Variants in ANKRD53 observed in about 807,000 individuals in gnomAD.
The protein encoded by ANKRD53 is ankyrin repeat domain 53.
Under a neutral mutation model 30.1 loss-of-function variants are expected in ANKRD53, and 27 were observed. The observed-to-expected ratio is 0.90, with a 90% CI of 0.66 to 1.24. The LOEUF (loss-of-function observed/expected upper bound fraction) is 1.24. ANKRD53 is among the 50% of genes most tolerant of loss of function. The pLI is 0.00. For missense variants in ANKRD53, 682 were observed against 721.0 expected (o/e 0.95, Z 0.62); for synonymous variants, 286 against 295.4 (o/e 0.97, Z 0.33).
chr2:70,983,749 G>C (rs1670081532), intron 5 of ANKRD53, among the ~76,000 whole-genome samples: 1 of 152,146 alleles, frequency 6.6e-6, no homozygotes, highest in South Asian at 2.1e-4. Context: ...ATTCGATCAA[G>C]TGTCCATTCT....
chr2:70,985,170 T>C lies in ANKRD53; in HGVS notation c.1463T>C (p.Leu488Pro). ...AGGGAAGTGCCCAGGAAGCGGCACC[T>C]GGGTGACAACACCTTCTGGACCGAC... The part of the protein sequence containing the change: ...SMREVPRKRH[L>P]GDNTFWTDTL... Residue 488 changes from leucine to proline, a missense_variant, in exon 6 of 6, where the codon CTG becomes CCG. Leu to Pro is a moderately conservative substitution (Grantham distance 98). Coordinates refer to ENST00000360589, the MANE Select transcript of ANKRD53 (RefSeq NM_001115116.2). 1.5e-5 allele frequency: 24 copies of C among 1,551,260 alleles called. No homozygotes were observed. Among genetic ancestry groups the C allele is most frequent in the Non-Finnish European group, 1.8e-5 (21 of 1,146,882 alleles).
chr2:70,980,356 C>G (rs535223528), intron 3 of ANKRD53, among the ~76,000 whole-genome samples: 1 of 151,034 alleles, frequency 6.6e-6, no homozygotes, highest in South Asian at 2.1e-4. Flanking sequence ...CTTTAACAGA[C>G]CTAGTCTACA....
intron 3 of ANKRD53, among the ~76,000 whole-genome samples, chr2:70,980,817 G>A (rs1054264656): frequency 2.5e-4 from 38 of 151,432 alleles, no homozygotes; most frequent in Non-Finnish European, 4.7e-4. Context: ...GTAGTGGCGG[G>A]TGCCTGTTGT....
At position 70,981,991 on chromosome 2, in the gene ANKRD53, G is replaced by T; in HGVS notation, c.673G>T (p.Asp225Tyr). 6.2e-7 allele frequency: 1 copy of T among 1,613,028 alleles called. No individual in the cohort carries two copies. Among genetic ancestry groups the T allele is most frequent in the Non-Finnish European group, 8.5e-7 (1 of 1,179,488 alleles). The change falls in exon 4 of 6, where the codon GAC becomes TAC. Residue 225 changes from aspartate (D) to tyrosine (Y), a missense_variant. By Grantham distance (160) the Asp-to-Tyr change is radical (BLOSUM62 -3). Transcript: ENST00000360589. ...LHLAARDGLLDCVKVLVQSGA... is the reference protein window; with the variant it reads ...LHLAARDGLLYCVKVLVQSGA... ...CCTGGCAGCCCGTGACGGCTTGCTG[G>T]ACTGTGTGAAGGTCCTGGTGCAGAG... is the stretch of plus-strand genomic sequence containing the variant.
chr2:70,980,406 G>A (rs1215931846), intron 3 of ANKRD53, among the ~76,000 whole-genome samples: 2 of 151,978 alleles, frequency 1.3e-5, no homozygotes, highest in African/African-American at 4.8e-5. Context: ...CAGGACCTTA[G>A]GCAAGTCACT....
rs1466822996 is a variant in ANKRD53, at chr2:70,979,330, C to T, written c.404C>T (p.Pro135Leu). The T allele has an allele frequency of 1.2e-6, 2 of 1,613,580 alleles. No homozygotes were observed. Among genetic ancestry groups the T allele is most frequent in the Non-Finnish European group, 8.5e-7 (1 of 1,180,042 alleles). ...FCLNQSLREI[P>L]TDDKGFTAIH... ...CTGAACCAGAGCCTCAGGGAAATCCCCACCGACGACAAGGTAAGGTCTTGA... is the reference window on the plus strand; with the variant it reads ...CTGAACCAGAGCCTCAGGGAAATCCTCACCGACGACAAGGTAAGGTCTTGA... Residue 135 changes from proline to leucine, a missense_variant, in exon 2 of 6, where the codon CCC (proline) becomes CTC (leucine). Physicochemically the swap from Pro to Leu is moderately conservative, Grantham distance 98. Coordinates refer to ENST00000360589, the MANE Select transcript of ANKRD53 (RefSeq NM_001115116.2).
rs1553424691 is a variant in ANKRD53, at chr2:70,985,297, A to G, written c.1590A>G (p.Pro530=). The G allele has an allele frequency of 7.7e-7, 1 of 1,292,394 alleles. No individual in the cohort carries two copies. Among genetic ancestry groups the G allele is most frequent in the Non-Finnish European group, 1.1e-6 (1 of 950,724 alleles). 80.1% of individuals were successfully genotyped at this position (1,292,394 alleles called of 1,614,324 possible). The change falls in exon 6 of 6, where the codon CCA becomes CCG. Residue 530 remains proline, a synonymous_variant. Coordinates refer to ENST00000360589, the MANE Select transcript of ANKRD53 (RefSeq NM_001115116.2). ...CCCTGCCCTCCCCACAAACCAACCC[A>G]TAAAGTTATTATGGCTACCTCTCCC... ...LPTLPSPQTN[P]
rs781967323 is a variant in ANKRD53 at position 70,979,337 on chromosome 2, C to T, written c.411C>T (p.Asp137=). The change falls in exon 2 of 6, where the codon GAC becomes GAT. Residue 137 remains aspartate, a synonymous_variant. Transcript: ENST00000360589. ...LNQSLREIPT[D]DKGFTAIHFA... is the part of the protein sequence containing the mutation. ...AGAGCCTCAGGGAAATCCCCACCGA[C>T]GACAAGGTAAGGTCTTGAGTGTTGG... 3 of 1,613,410 alleles carry T rather than the reference C, an allele frequency of 1.9e-6. No individual in the cohort carries two copies. The East Asian group carries it at 6.7e-5, about 36-fold the overall frequency.
Position 70,982,671 on chromosome 2 carries a change from G to T in ANKRD53, c.877G>T (p.Glu293Ter). Residue 293 changes from glutamate to a stop codon, truncating the protein, a stop_gained, in exon 5 of 6, where the codon GAG becomes TAG. Coordinates refer to ENST00000360589, the MANE Select transcript of ANKRD53 (RefSeq NM_001115116.2). LOFTEE classifies it low-confidence loss of function (END_TRUNC). The surrounding 1 kb of genome is among the most constrained non-coding windows in gnomAD (Gnocchi z 4.2). Reference protein sequence around the residue: ...KMFKSQLTLMEHNYLIEYQKE... With the variant: ...KMFKSQLTLM ...GTTCAAGAGCCAGCTGACCCTCATG[G>T]AGCACAACTACCTGATTGAGTATCA... is the stretch of plus-strand genomic sequence containing the variant. 4 of 1,614,116 alleles carry T rather than the reference G, an allele frequency of 2.5e-6. No homozygotes were observed. The South Asian group carries it at 4.4e-5, about 18-fold the overall frequency.
At position 70,984,728 on chromosome 2, in the gene ANKRD53, A is replaced by G; in HGVS notation, c.1021A>G (p.Thr341Ala). 6.2e-7 allele frequency: 1 copy of G among 1,607,646 alleles called. No individual in the cohort carries two copies. The highest frequency in any genetic ancestry group is 8.5e-7 in the Non-Finnish European group (1 of 1,176,688). ...KQARATALSKTPEQRESQRSR... is the reference protein window; with the variant it reads ...KQARATALSKAPEQRESQRSR... ...AGCCCGGGCCACCGCCCTCTCCAAG[A>G]CCCCAGAGCAACGGGAATCGCAGCG... Residue 341 changes from threonine (T) to alanine (A), a missense_variant, in exon 6 of 6, where the codon ACC becomes GCC. Thr to Ala is a moderately conservative substitution (Grantham distance 58, BLOSUM62 0). Transcript: ENST00000360589.
intron 3 of ANKRD53, among the ~76,000 whole-genome samples, chr2:70,980,441 G>A (rs1341640154): frequency 2.0e-5 from 3 of 152,044 alleles, no homozygotes; most frequent in African/African-American, 7.2e-5. Flanking sequence ...CAGTACTCTG[G>A]CTCCCAAACT....
At position 70,979,287 on chromosome 2, in the gene ANKRD53, G is replaced by A; in HGVS notation, c.361G>A (p.Glu121Lys). ...GTTCGCAGCGGCTGTGGGCAACGTG[G>A]AATGGCTGCGATTCTGTCTGAACCA... is the stretch of plus-strand genomic sequence containing the variant. ...QLFAAAVGNV[E>K]WLRFCLNQSL... is the part of the protein sequence containing the mutation. The change falls in exon 2 of 6, where the codon GAA (glutamate) becomes AAA (lysine). Residue 121 changes from glutamate to lysine, a missense_variant. Coordinates refer to ENST00000360589, the MANE Select transcript of ANKRD53 (RefSeq NM_001115116.2). The A allele has an allele frequency of 1.2e-6, 2 of 1,613,700 alleles. No individual in the cohort carries two copies. The highest frequency in any genetic ancestry group is 1.1e-5 in the South Asian group (1 of 91,090).
intron 2 of ANKRD53, 103 bp downstream of exon 2, chr2:70,979,446 TA>T: frequency 6.5e-7 from 1 of 1,541,350 alleles, no homozygotes; most frequent in Non-Finnish European, 8.8e-7. Context: ...TAGATCTTCC[TA>T]ATTTAACTCA....
In ANKRD53 at chr2:70,979,841, A is replaced by T. The variant is rs139132664; in HGVS notation, c.598A>T (p.Lys200Ter). ...CCCCTGCATCTACTACCTGCTGGAG[A>T]AAGGCGCAGACCTCAATGCGTGAGT... ...ALPCIYYLLE[K>*]GADLNAQTCN... is the part of the protein sequence containing the mutation. The change falls in exon 3 of 6, where the codon AAA (lysine) becomes TAA (stop). Residue 200 changes from lysine to a stop codon, truncating the protein, a stop_gained. Coordinates refer to ENST00000360589, the MANE Select transcript of ANKRD53 (RefSeq NM_001115116.2). LOFTEE classifies it high-confidence loss of function. 6.6e-5 allele frequency: 106 copies of T among 1,614,226 alleles called. No individual in the cohort carries two copies. In the Middle Eastern group the frequency reaches 9.9e-4, roughly 15 times the overall value.
In ANKRD53 at chr2:70,982,230, A is replaced by C; in HGVS notation, c.782+130A>C. Reference sequence around the variant, plus strand: ...AGCCAGACAGCTGGAGGATGCGCCTACTGCCCAGGATATTTTGGATGAGGC... The same window carrying C: ...AGCCAGACAGCTGGAGGATGCGCCTCCTGCCCAGGATATTTTGGATGAGGC... On this transcript the variant is annotated intron_variant, in intron 4 of 5. Coordinates refer to ENST00000360589, the MANE Select transcript of ANKRD53 (RefSeq NM_001115116.2). The surrounding 1 kb of genome is among the most constrained non-coding windows in gnomAD (Gnocchi z 4.2). 8.9e-7 allele frequency: 1 copy of C among 1,129,122 alleles called. No individual in the cohort carries two copies. The highest frequency in any genetic ancestry group is 1.2e-6 in the Non-Finnish European group (1 of 815,122). 69.9% of individuals were successfully genotyped at this position (1,129,122 alleles called of 1,614,324 possible). A position where few individuals can be genotyped will look rare whatever the true frequency, so the allele number is the denominator to read the frequency against.
chr2:70,985,266 T>TCGCCCC lies in ANKRD53; in HGVS notation c.1560_1561insGCCCCC (p.Leu520_Pro521insAlaPro). On this transcript the variant is annotated inframe_insertion, in exon 6 of 6. Coordinates refer to ENST00000360589, the MANE Select transcript of ANKRD53 (RefSeq NM_001115116.2). ...GCAGCTGTGCGATCTCATCAAGGAC[T>TCGCCCC]CCCCACCCTGCCCTCCCCACAAACC... The TCGCCCC allele has an allele frequency of 2.6e-6, 4 of 1,544,430 alleles. No homozygotes were observed. The highest frequency in any genetic ancestry group is 3.5e-6 in the Non-Finnish European group (4 of 1,141,406).
Position 70,985,278 on chromosome 2 carries a change from C to CCCCCCCCCCA in ANKRD53, c.1572_1573insCCCCCCCCAC (p.Ser525ProfsTer26). On this transcript the variant is annotated frameshift_variant, in exon 6 of 6. Coordinates refer to ENST00000360589, the MANE Select transcript of ANKRD53 (RefSeq NM_001115116.2). LOFTEE classifies it low-confidence loss of function (END_TRUNC). ...TCTCATCAAGGACTCCCCACCCTGC[C>CCCCCCCCCCA]CTCCCCACAAACCAACCCATAAAGT... is the stretch of plus-strand genomic sequence containing the variant. The CCCCCCCCCCA allele has an allele frequency of 6.5e-7, 1 of 1,549,818 alleles. No homozygotes were observed. The highest frequency in any genetic ancestry group is 8.7e-7 in the Non-Finnish European group (1 of 1,146,540).
chr2:70,984,418 TCCC>T, intron 5 of ANKRD53, 190 bp from the exon 6 acceptor site: 1 of 985,264 alleles, frequency 1.0e-6, no homozygotes, highest in Non-Finnish European at 1.2e-6. Flanking sequence ...AAAAGTTGTC[TCCC>T]CCATCGGAAC....
chr2:70,979,923 A>T, intron 3 of ANKRD53, 63 bp downstream of exon 3: 1 of 1,588,978 alleles, frequency 6.3e-7, no homozygotes, highest in Non-Finnish European at 8.6e-7. Flanking sequence ...CCCTACTTCC[A>T]GGCAGGCAAA....
Sources: gnomAD v4.1 joint callset for allele counts (sites outside exome capture counted in the v4.1 genomes callset) on GRCh38, gnomAD v4.1.1 for gene constraint, Gnocchi (gnomAD v3.1) non-coding constraint, MANE v1.5 for transcripts, NCBI Gene and HGNC (gene_info 2026-07-23, HGNC 2026-07-21) for gene names.